Variants in GNB2 observed in about 807,000 individuals in gnomAD.
The protein encoded by GNB2 is G protein subunit beta 2.
Under a neutral mutation model 40.7 loss-of-function variants are expected in GNB2, and 7 were observed. That is an observed-to-expected ratio of 0.17 (90% CI 0.10 to 0.32). GNB2 has a LOEUF of 0.32. Among genes scored for constraint, GNB2 ranks in the 10% least tolerant of loss-of-function variants. The pLI is 1.00. For missense variants in GNB2, 286 were observed against 473.0 expected, an observed-to-expected ratio of 0.60 and a Z score of 3.67; for synonymous variants, 254 against 191.2, an observed-to-expected ratio of 1.33 and a Z score of -2.71.
intron 4 of GNB2, 79 bp downstream of exon 4, chr7:100,676,878 A>C (rs1005481104): frequency 5.1e-5 from 42 of 817,048 alleles, no homozygotes; most frequent in Non-Finnish European, 7.1e-5. Flanking sequence ...CTGGCGGAGT[A>C]AGCAGGCCAC....
At chr7:100,676,094 C>A in intron 1 of GNB2, 83 bp from the exon 2 acceptor site, 1 of 535,712 alleles carries the variant, frequency 1.9e-6, no homozygotes, top group Non-Finnish European at 3.3e-6. Context: ...CCTTGCTTAC[C>A]CCTTCCGGGC....
In GNB2 at chr7:100,678,091, T is replaced by A; in HGVS notation, c.498-7T>A. On this transcript the variant is annotated splice_region_variant and splice_polypyrimidine_tract_variant and intron_variant, in intron 7 of 9. Coordinates refer to ENST00000303210, the MANE Select transcript of GNB2 (RefSeq NM_005273.4). ...TTATCTTTTCTTTCTTCCTGTCACC[T>A]CTCCAGTGCCCTGTGGGACATTGAG... is the stretch of plus-strand genomic sequence containing the variant. 6.2e-7 allele frequency: 1 copy of A among 1,606,448 alleles called. No individual in the cohort carries two copies. Among genetic ancestry groups the A allele is most frequent in the Non-Finnish European group, 8.5e-7 (1 of 1,173,140 alleles).
intron 7 of GNB2, 38 bp downstream of exon 7, chr7:100,677,856 C>T (rs187938106): frequency 1.9e-5 from 29 of 1,563,376 alleles, no homozygotes; most frequent in East Asian, 1.3e-4. Flanking sequence ...TGGGCAAACC[C>T]ACACTTCCTG....
chr7:100,677,759 G>A lies in GNB2; in HGVS notation c.438G>A (p.Leu146=), dbSNP rs764780988. Residue 146 remains leucine (L), a synonymous_variant, in exon 7 of 10, where the codon CTG becomes CTA. Transcript: ENST00000303210. ...SRELPGHTGY[L]SCCRFLDDNQ... ...GACCAGCTCCTTCCCCAGGGTACCT[G>A]TCGTGTTGCCGCTTCCTGGATGACA... 13 of 1,613,836 alleles carry A rather than the reference G, an allele frequency of 8.1e-6. No individual in the cohort carries two copies. The highest frequency in any genetic ancestry group is 1.1e-5 in the Non-Finnish European group (13 of 1,180,000).
chr7:100,678,627 G>C lies in GNB2; in HGVS notation c.916+13G>C, dbSNP rs1168909950. On this transcript the variant is annotated intron_variant, in intron 9 of 9. Coordinates refer to ENST00000303210, the MANE Select transcript of GNB2 (RefSeq NM_005273.4). ...GGCGACCGTGCAGGTGACAGCTGGG[G>C]CCCAGGCTGGGTGGGCAGGGACCTG... is the stretch of plus-strand genomic sequence containing the variant. The C allele has an allele frequency of 1.2e-6, 2 of 1,611,158 alleles. No homozygotes were observed. Among genetic ancestry groups the C allele is most frequent in the African/African-American group, 2.7e-5 (2 of 74,912 alleles).
In GNB2 at chr7:100,676,750, C is replaced by G; in HGVS notation, c.154C>G (p.Arg52Gly). The G allele has an allele frequency of 6.2e-7, 1 of 1,606,022 alleles. No individual in the cohort carries two copies. The highest frequency in any genetic ancestry group is 8.5e-7 in the Non-Finnish European group (1 of 1,176,582). The change falls in exon 4 of 10, where the codon CGT becomes GGT. Residue 52 changes from arginine to glycine, a missense_variant. Coordinates refer to ENST00000303210, the MANE Select transcript of GNB2 (RefSeq NM_005273.4). The part of the protein sequence containing the change: ...RIQMRTRRTL[R>G]GHLAKIYAMH... ...CCAGATGAGGACCCGGAGGACCCTC[C>G]GTGGGCACCTGGCAAAGATCTATGC...
chr7:100,676,851 T>C, intron 4 of GNB2, 52 bp downstream of exon 4: 1 of 1,068,038 alleles, frequency 9.4e-7, no homozygotes, highest in Non-Finnish European at 1.4e-6. Context: ...TAGCAGGCCG[T>C]GGGAGCAGCC....
intron 1 of GNB2, among the ~76,000 whole-genome samples, chr7:100,674,431 C>T (rs1009058828): frequency 2.0e-5 from 3 of 152,172 alleles, no homozygotes; most frequent in African/African-American, 4.8e-5. Context: ...TGGTTTCTGG[C>T]CCCACTCGCC....
At chr7:100,677,217 C>T in intron 4 of GNB2, 135 bp from the exon 5 acceptor site, 1 of 678,666 alleles carries the variant, frequency 1.5e-6, no homozygotes, top group Non-Finnish European at 2.6e-6. Flanking sequence ...TTCCAGGCTG[C>T]AGTGAGCTGT....
At chr7:100,677,095 G>A in intron 4 of GNB2, 1 of 594,198 alleles carries the variant, frequency 1.7e-6, no homozygotes, top group Non-Finnish European at 3.0e-6. Flanking sequence ...GCAACATAGT[G>A]AGACCCTGGC....
Position 100,678,556 on chromosome 7 carries a change from C to T in GNB2, c.858C>T (p.Leu286=), listed in dbSNP as rs145480659. ...VAFSRSGRLL[L]AGYDDFNCNI... ...TCTCGCGCAGCGGACGGCTGCTGCT[C>T]GCTGGCTACGACGACTTCAACTGCA... is the stretch of plus-strand genomic sequence containing the variant. The change falls in exon 9 of 10, where the codon CTC becomes CTT. Residue 286 remains leucine (L), a synonymous_variant. Transcript: ENST00000303210. The T allele has an allele frequency of 3.1e-4, 501 of 1,613,858 alleles. 4 individuals are homozygous for T. In the East Asian group the frequency reaches 9.5e-3, roughly 30 times the overall value.
Position 100,676,799 on chromosome 7 carries a change from G to GGT in GNB2, c.203+12_203+13dup, listed in dbSNP as rs138290543. ...GCCATGCACTGGGGGACCGACTCAA[G>GGT]GTGTGTGTGTGTGCGCGGGCTGGCG... On this transcript the variant is annotated frameshift_variant and splice_region_variant. Coordinates refer to ENST00000303210, the MANE Select transcript of GNB2 (RefSeq NM_005273.4). LOFTEE classifies it high-confidence loss of function. The GGT allele has an allele frequency of 2.4e-4, 366 of 1,554,732 alleles. No homozygotes were observed. Among genetic ancestry groups the GGT allele is most frequent in the Non-Finnish European group, 2.8e-4 (317 of 1,142,444 alleles).
At position 100,673,806 on chromosome 7, in the gene GNB2, A is replaced by T. The variant is rs950657739; in HGVS notation, c.-207A>T. On this transcript the variant is annotated 5_prime_UTR_variant, in exon 1 of 10. Coordinates refer to ENST00000303210, the MANE Select transcript of GNB2 (RefSeq NM_005273.4). ...GCGGCGGGGCTGGGGCCACTGAGGA[A>T]ATCCATCCGCGCCGCCGCCGCCGCC... The T allele has an allele frequency of 1.2e-5, 2 of 171,250 alleles. No homozygotes were observed. The highest frequency in any genetic ancestry group is 2.2e-5 in the Non-Finnish European group (2 of 90,226). 10.6% of individuals were successfully genotyped at this position (171,250 alleles called of 1,614,324 possible).
Position 100,679,038 on chromosome 7 carries a change from G to T in GNB2, c.*237G>T. 1 of 526,666 alleles carries T rather than the reference G, an allele frequency of 1.9e-6. No homozygotes were observed. The highest frequency in any genetic ancestry group is 3.4e-6 in the Non-Finnish European group (1 of 295,902). 32.6% of individuals were successfully genotyped at this position (526,666 alleles called of 1,614,324 possible). Reference sequence around the variant, plus strand: ...CTCATCCTTCTGCTGCCCTGGGGTTGGGGCCTCACCCCTCTGGAGGGCCGG... The same window carrying T: ...CTCATCCTTCTGCTGCCCTGGGGTTTGGGCCTCACCCCTCTGGAGGGCCGG... On this transcript the variant is annotated 3_prime_UTR_variant, in exon 10 of 10. Coordinates refer to ENST00000303210, the MANE Select transcript of GNB2 (RefSeq NM_005273.4).
rs1442402312 is a variant in GNB2, at chr7:100,678,433, TGAC to T, written c.740_742del (p.Asp247del). 1 of 1,613,672 alleles carries T rather than the reference TGAC, an allele frequency of 6.2e-7. No homozygotes were observed. ...ACGGCTACGCCTTCACCACCGGCTC[TGAC>T]GACGCCACGTGCCGCCTCTTCGACC... On this transcript the variant is annotated inframe_deletion, in exon 9 of 10. Transcript: ENST00000303210.
At chr7:100,676,078 C>G (rs1216897995) in intron 1 of GNB2, 99 bp from the exon 2 acceptor site, 3 of 508,884 alleles carry the variant, frequency 5.9e-6, no homozygotes, top group Non-Finnish European at 1.0e-5. Context: ...CGCCCCTTCC[C>G]CCTCCCCTTG....
rs760220354 is a variant in GNB2 at position 100,677,524 on chromosome 7, C to T, written c.294C>T (p.Ser98=). 1.2e-6 allele frequency: 2 copies of T among 1,613,440 alleles called. No individual in the cohort carries two copies. The highest frequency in any genetic ancestry group is 1.3e-5 in the African/African-American group (1 of 74,954). Reference sequence around the variant, plus strand: ...TCCACGCCATCCCGCTGCGCTCCTCCTGGGTAATGACCTGTGCCTACGCGC... The same window carrying T: ...TCCACGCCATCCCGCTGCGCTCCTCTTGGGTAATGACCTGTGCCTACGCGC... ...NKVHAIPLRS[S]WVMTCAYAPS... The change falls in exon 6 of 10, where the codon TCC becomes TCT. Residue 98 remains serine (S), a synonymous_variant. Transcript: ENST00000303210.
At chr7:100,675,171 G>T (rs1381166175) in intron 1 of GNB2, 3 of 150,624 alleles carry the variant, frequency 2.0e-5, no homozygotes, top group East Asian at 2.0e-4. Flanking sequence ...CTGCGGGCTG[G>T]GCCCCCCGGG....
At position 100,678,890 on chromosome 7, in the gene GNB2, C is replaced by T. The variant is rs1308407959; in HGVS notation, c.*89C>T. ...GGCTGCGGGGCTGGCGCAATCCCAG[C>T]CCCCTTCCCCGGGCCACGGGGCCTT... On this transcript the variant is annotated 3_prime_UTR_variant, in exon 10 of 10. Coordinates refer to ENST00000303210, the MANE Select transcript of GNB2 (RefSeq NM_005273.4). 3.9e-6 allele frequency: 4 copies of T among 1,037,586 alleles called. No homozygotes were observed. The highest frequency in any genetic ancestry group is 5.8e-6 in the Non-Finnish European group (4 of 695,466). The allele number at this position is 1,037,586 out of a possible 1,614,324, so 64.3% of individuals were successfully genotyped here.
Sources: allele counts gnomAD v4.1 joint callset (sites outside exome capture counted in the v4.1 genomes callset), GRCh38; gene constraint gnomAD v4.1.1; transcripts MANE v1.5; gene names NCBI Gene and HGNC (gene_info 2026-07-23, HGNC 2026-07-21).